Variants in IGF1 observed in about 807,000 individuals in gnomAD.
The protein encoded by IGF1 is insulin-like growth factor 1.
Under a neutral mutation model 13.8 loss-of-function variants are expected in IGF1, and 4 were observed. The observed-to-expected ratio is 0.29, with a 90% CI of 0.14 to 0.66. IGF1 has a LOEUF of 0.66. IGF1 is among the 30% of genes least tolerant of loss of function. The pLI, the probability that IGF1 is intolerant of heterozygous loss-of-function variation, is 0.78. For missense variants in IGF1, 124 were observed against 188.5 expected (o/e 0.66, Z 2.00); for synonymous variants, 76 against 72.6 (o/e 1.05, Z -0.23).
At chr12:102,457,687 A>G (rs1056753522) in intron 2 of IGF1, among the ~76,000 whole-genome samples, 1 of 152,236 alleles carries the variant, frequency 6.6e-6, no homozygotes, top group African/African-American at 2.4e-5. Flanking sequence ...TTGGAAATTC[A>G]GTAAACATAT....
chr12:102,447,364 C>A (rs1210370896), intron 2 of IGF1, among the ~76,000 whole-genome samples: 1 of 152,116 alleles, frequency 6.6e-6, no homozygotes, highest in Non-Finnish European at 1.5e-5. Flanking sequence ...GACTCTAAGT[C>A]TCTTTGTAGG....
At chr12:102,481,791 A>T (rs35767), upstream of IGF1, 1 of 150,196 alleles carries the variant, frequency 6.7e-6, no homozygotes, top group Non-Finnish European at 1.5e-5. Flanking sequence ...TTTTTTTTCC[A>T]CATGACTCTC....
intron 2 of IGF1, 116 bp downstream of exon 2, chr12:102,475,527 G>T: frequency 1.7e-6 from 2 of 1,208,712 alleles, no homozygotes; most frequent in Non-Finnish European, 2.4e-6. Flanking sequence ...CAGAGGCCTA[G>T]GATGGCTGCC....
Position 102,480,520 on chromosome 12 carries a change from C to T in IGF1, c.-139G>A, listed in dbSNP as rs1294181759. ...CTTTATTCCATTGCGCAGGCTCTATCTGCTCTGAATTTAGCAGTGACAGTG... is the reference window on the plus strand; with the variant it reads ...CTTTATTCCATTGCGCAGGCTCTATTTGCTCTGAATTTAGCAGTGACAGTG... On this transcript the variant is annotated 5_prime_UTR_variant, in exon 1 of 4. Coordinates refer to ENST00000337514, the MANE Select transcript of IGF1 (RefSeq NM_000618.5). 1.3e-6 allele frequency: 2 copies of T among 1,525,752 alleles called. No individual in the cohort carries two copies. The highest frequency in any genetic ancestry group is 2.4e-5 in the East Asian group (1 of 41,350). The allele number at this position is 1,525,752 out of a possible 1,614,324, so 94.5% of individuals were successfully genotyped here. A position where few individuals can be genotyped will look rare whatever the true frequency, so the allele number is the denominator to read the frequency against.
chr12:102,413,431 G>A (rs1592744901), intron 3 of IGF1, among the ~76,000 whole-genome samples: 2 of 152,182 alleles, frequency 1.3e-5, no homozygotes, highest in African/African-American at 2.4e-5. Flanking sequence ...GAGGGAGGTC[G>A]TCAAGGGATG....
chr12:102,478,930 C>T lies in IGF1; in HGVS notation c.63+1389G>A, dbSNP rs529192110. Among the ~76,000 whole-genome samples, 4 of 152,274 alleles carry T rather than the reference C, an allele frequency of 2.6e-5. No individual in the cohort carries two copies. The South Asian group carries it at 6.2e-4, about 24-fold the overall frequency. On this transcript the variant is annotated intron_variant, in intron 1 of 3. Coordinates refer to ENST00000337514, the MANE Select transcript of IGF1 (RefSeq NM_000618.5). ...CCACTGAATTACATGTGAAAGACCA[C>T]GCAGCTCCCTCAAACCACTTCCTGC...
intron 1 of IGF1, among the ~76,000 whole-genome samples, chr12:102,476,334 TACTATG>T (rs973505830): frequency 2.0e-5 from 3 of 152,080 alleles, no homozygotes; most frequent in African/African-American, 7.2e-5. Flanking sequence ...AAAAATAATT[TACTATG>T]GCCAAAAAAT....
At chr12:102,436,404 A>G (rs1261927107) in intron 2 of IGF1, among the ~76,000 whole-genome samples, 1 of 152,246 alleles carries the variant, frequency 6.6e-6, no homozygotes, top group Non-Finnish European at 1.5e-5. Flanking sequence ...CCAGATTGTC[A>G]GATGGCCAGT....
Position 102,480,403 on chromosome 12 carries a change from G to T in IGF1, c.-22C>A, listed in dbSNP as rs768360418. 1 of 1,613,222 alleles carries T rather than the reference G, an allele frequency of 6.2e-7. No homozygotes were observed. The highest frequency in any genetic ancestry group is 1.1e-5 in the South Asian group (1 of 91,060). On this transcript the variant is annotated 5_prime_UTR_variant, in exon 1 of 4. Coordinates refer to ENST00000337514, the MANE Select transcript of IGF1 (RefSeq NM_000618.5). Reference sequence around the variant, plus strand: ...CCATTGCTTCTGAAGTACAAAGTCTGAAAATGAATTGGTTAGCAGGAATAA... The same window carrying T: ...CCATTGCTTCTGAAGTACAAAGTCTTAAAATGAATTGGTTAGCAGGAATAA...
At chr12:102,433,378 C>A (rs756559664) in intron 2 of IGF1, among the ~76,000 whole-genome samples, 1 of 152,188 alleles carries the variant, frequency 6.6e-6, no homozygotes, top group Non-Finnish European at 1.5e-5. Flanking sequence ...TTAAAGGAAA[C>A]TGCAATGCAG....
chr12:102,441,176 C>T (rs1332227407), intron 2 of IGF1, among the ~76,000 whole-genome samples: 1 of 152,134 alleles, frequency 6.6e-6, no homozygotes, highest in Non-Finnish European at 1.5e-5. Flanking sequence ...AAACCAAAGT[C>T]AATCTTTGCC....
chr12:102,434,179 A>T (rs1280505404), intron 2 of IGF1, among the ~76,000 whole-genome samples: 1 of 148,730 alleles, frequency 6.7e-6, no homozygotes, highest in Non-Finnish European at 1.5e-5. Context: ...TTTAAGTTTT[A>T]GGGTACATGT....
At chr12:102,418,102 A>C in intron 3 of IGF1, 1 of 1,270,736 alleles carries the variant, frequency 7.9e-7, no homozygotes, top group Non-Finnish European at 1.1e-6. Flanking sequence ...GATGCAGGAG[A>C]CAGCACTCAT....
chr12:102,466,932 A>G (rs1880377516), intron 2 of IGF1, among the ~76,000 whole-genome samples: 1 of 151,960 alleles, frequency 6.6e-6, no homozygotes, highest in Admixed American at 6.5e-5. Flanking sequence ...AAATGAAAAA[A>G]CCCACATCAC....
At chr12:102,411,379 G>A (rs1279692134) in intron 3 of IGF1, among the ~76,000 whole-genome samples, 2 of 152,130 alleles carry the variant, frequency 1.3e-5, no homozygotes, top group Non-Finnish European at 2.9e-5. Flanking sequence ...TGCCATAATT[G>A]TGAACTAAAG....
intron 2 of IGF1, among the ~76,000 whole-genome samples, chr12:102,430,097 A>T (rs1876602951): frequency 6.6e-6 from 1 of 152,064 alleles, no homozygotes; most frequent in Admixed American, 6.6e-5. Flanking sequence ...TCTTTGTCTC[A>T]CATCTGGGTT....
Position 102,428,236 on chromosome 12 carries a change from G to GTATATATA in IGF1, c.221-8554_221-8547dup, listed in dbSNP as rs56947594. ...CGACCCACTTTGTAATCAATAATGT[G>GTATATATA]TATATATATATATGGCATATTAATG... On this transcript the variant is annotated intron_variant, in intron 2 of 3. Transcript: ENST00000337514. 5.7e-3 allele frequency among the ~76,000 whole-genome samples: 397 copies of GTATATATA among 69,576 alleles called. 70 individuals carry two copies. Among genetic ancestry groups the GTATATATA allele is most frequent in the African/African-American group, 0.014 (329 of 23,192 alleles). The allele number at this position is 69,576 out of a possible 152,430, so 45.6% of individuals were successfully genotyped here. A position where few individuals can be genotyped will look rare whatever the true frequency, so the allele number is the denominator to read the frequency against.
intron 2 of IGF1, among the ~76,000 whole-genome samples, chr12:102,445,761 A>C (rs556662699): frequency 3.3e-5 from 5 of 152,240 alleles, no homozygotes; most frequent in African/African-American, 1.2e-4. Context: ...CAGAACTTCC[A>C]ATGCTGTGTT....
chr12:102,450,998 G>A (rs1261963273), intron 2 of IGF1, among the ~76,000 whole-genome samples: 3 of 152,110 alleles, frequency 2.0e-5, no homozygotes, highest in Admixed American at 1.3e-4. Context: ...TTAGTCTGAT[G>A]GTGTCAGTGG....
Sources: gnomAD v4.1 joint callset for allele counts (sites outside exome capture counted in the v4.1 genomes callset) on GRCh38, gnomAD v4.1.1 for gene constraint, MANE v1.5 for transcripts, NCBI Gene and HGNC (gene_info 2026-07-23, HGNC 2026-07-21) for gene names.